Variants in FXYD6 observed in about 807,000 individuals in gnomAD.
FXYD6 encodes the protein FXYD domain containing ion transport regulator 6.
A neutral mutation model predicts 16.7 loss-of-function variants in FXYD6; 7 were observed. The observed-to-expected ratio is 0.42, with a 90% confidence interval of 0.24 to 0.79. The LOEUF is 0.79. Ranked by LOEUF, FXYD6 falls within the 30% of genes least tolerant of loss-of-function variation. The probability of loss-of-function intolerance (pLI) is 0.28; values close to 1 mark genes in which losing one functional copy is unlikely to be tolerated. For missense variants in FXYD6, 111 were observed against 116.2 expected (o/e 0.95, Z 0.21); for synonymous variants, 49 against 43.0 (o/e 1.14, Z -0.54).
chr11:117,859,286 C>T (rs544142269), intron 1 of FXYD6, among the ~76,000 whole-genome samples: 6 of 152,196 alleles, frequency 3.9e-5, no homozygotes, highest in Non-Finnish European at 8.8e-5. Context: ...GAGGGAGGTC[C>T]GGGGTTGGAG....
intron 6 of FXYD6, 34 bp from the exon 7 acceptor site, chr11:117,839,864 A>G: frequency 6.2e-7 from 1 of 1,614,114 alleles, no homozygotes; most frequent in Non-Finnish European, 8.5e-7. Flanking sequence ...TATAGTGTAT[A>G]GACTCCTCAC....
At chr11:117,855,494 C>T (rs2056704018) in intron 1 of FXYD6, among the ~76,000 whole-genome samples, 2 of 152,212 alleles carry the variant, frequency 1.3e-5, no homozygotes, top group South Asian at 2.1e-4. Context: ...CTTGGCTTCC[C>T]TTCCATCTCA....
intron 1 of FXYD6, among the ~76,000 whole-genome samples, chr11:117,868,560 C>T (rs144327493): frequency 1.9e-3 from 285 of 152,150 alleles, no homozygotes; most frequent in African/African-American, 4.7e-3. Context: ...AAAAGAGGCA[C>T]GACTCAATGG....
At chr11:117,845,694 A>G (rs537401823) in intron 1 of FXYD6, among the ~76,000 whole-genome samples, 246 of 152,302 alleles carry the variant, frequency 1.6e-3, no homozygotes, top group African/African-American at 5.6e-3. Context: ...TTTTGTGCAT[A>G]CTGCTCAGGG....
At chr11:117,874,547 TTC>T (rs1243047069) in intron 1 of FXYD6, among the ~76,000 whole-genome samples, 1 of 152,182 alleles carries the variant, frequency 6.6e-6, no homozygotes, top group East Asian at 1.9e-4. Flanking sequence ...CCTTCCCTCT[TTC>T]TGGTTTCCCT....
rs1222888641 is a variant in FXYD6, at chr11:117,837,597, TG to T, written c.*701del. 6 of 152,918 alleles carry T rather than the reference TG, an allele frequency of 3.9e-5. No individual in the cohort carries two copies. The highest frequency in any genetic ancestry group is 8.8e-5 in the Non-Finnish European group (6 of 68,564). The allele number at this position is 152,918 out of a possible 1,614,324, so 9.5% of individuals were successfully genotyped here. The stretch of plus-strand genomic sequence containing the variant: ...GATGGGGACTCCTCGTGGAAGCCCC[TG>T]GGAAGAAATTAACCACGGAAGGGCA... On this transcript the variant is annotated 3_prime_UTR_variant, in exon 8 of 8. Transcript: ENST00000526014. The surrounding 1 kb of genome is among the most constrained non-coding windows in gnomAD (Gnocchi z 4.4).
intron 1 of FXYD6, among the ~76,000 whole-genome samples, chr11:117,864,916 G>A (rs1387801533): frequency 1.3e-5 from 2 of 152,096 alleles, no homozygotes; most frequent in African/African-American, 4.8e-5. Context: ...ATGTAAAAAT[G>A]TGCATCAAAA....
intron 1 of FXYD6, among the ~76,000 whole-genome samples, chr11:117,874,393 C>G (rs1048517604): frequency 6.6e-6 from 1 of 152,176 alleles, no homozygotes; most frequent in African/African-American, 2.4e-5. Context: ...CCTTTGCACA[C>G]CCGCTTCCTC....
intron 1 of FXYD6, among the ~76,000 whole-genome samples, chr11:117,850,728 G>A (rs867601568): frequency 7.3e-5 from 11 of 151,566 alleles, no homozygotes; most frequent in African/African-American, 2.7e-4. Flanking sequence ...CCTGGGCTCA[G>A]GTGATCTGCC....
At chr11:117,863,093 A>G (rs1200453987) in intron 1 of FXYD6, among the ~76,000 whole-genome samples, 1 of 152,202 alleles carries the variant, frequency 6.6e-6, no homozygotes, top group African/African-American at 2.4e-5. Flanking sequence ...TATTTTACAG[A>G]TTAGAAAAGG....
rs907694026 is a variant in FXYD6 at position 117,837,097 on chromosome 11, G to C, written c.*1202C>G. 4.4e-4 allele frequency: 67 copies of C among 152,382 alleles called. No individual in the cohort carries two copies. The highest frequency in any genetic ancestry group is 8.3e-4 in the South Asian group (4 of 4,828). The allele number at this position is 152,382 out of a possible 1,614,324, so 9.4% of individuals were successfully genotyped here. On this transcript the variant is annotated 3_prime_UTR_variant, in exon 8 of 8. Coordinates refer to ENST00000526014, the MANE Select transcript of FXYD6 (RefSeq NM_022003.4). The surrounding 1 kb of genome is among the most constrained non-coding windows in gnomAD (Gnocchi z 4.4). ...TGGTTGGTTTCCGCGGGAACACAGAGGACAGGAGGGGCGGGATCTGGGTTG... is the reference window on the plus strand; with the variant it reads ...TGGTTGGTTTCCGCGGGAACACAGACGACAGGAGGGGCGGGATCTGGGTTG...
intron 2 of FXYD6, 184 bp from the exon 3 acceptor site, chr11:117,842,212 A>G (rs2056364090): frequency 3.7e-6 from 3 of 800,402 alleles, no homozygotes; most frequent in African/African-American, 1.7e-5. Context: ...GGGGAACCCT[A>G]AGGGCCGAGG....
At chr11:117,858,673 T>TTC (rs1487924012) in intron 1 of FXYD6, among the ~76,000 whole-genome samples, 3 of 86,654 alleles carry the variant, frequency 3.5e-5, no homozygotes, top group African/African-American at 1.6e-4. Flanking sequence ...CTTTCTTTCT[T>TTC]TCTTTCTTTC....
chr11:117,855,000 G>C (rs2134167613), intron 1 of FXYD6, among the ~76,000 whole-genome samples: 1 of 152,338 alleles, frequency 6.6e-6, no homozygotes, highest in African/African-American at 2.4e-5. Flanking sequence ...TGTCTGCTTA[G>C]CCTAGGAGGG....
intron 1 of FXYD6, among the ~76,000 whole-genome samples, chr11:117,875,542 G>A (rs1348313531): frequency 1.3e-5 from 2 of 152,140 alleles, no homozygotes; most frequent in African/African-American, 4.8e-5. Flanking sequence ...TGCGGACGTA[G>A]ACATACACAT....
intron 1 of FXYD6, among the ~76,000 whole-genome samples, chr11:117,859,825 T>A (rs1383836908): frequency 2.0e-5 from 3 of 152,180 alleles, no homozygotes; most frequent in Admixed American, 2.0e-4. Context: ...CTGTCTGTGA[T>A]AATTTTTAGT....
At chr11:117,876,845 C>T (rs1160935828), upstream of FXYD6, 1 of 152,372 alleles carries the variant, frequency 6.6e-6, no homozygotes, top group African/African-American at 2.4e-5. Flanking sequence ...CGCGCAGACC[C>T]CCTCTCCTCC....
intron 1 of FXYD6, chr11:117,843,770 C>T (rs2056412530): frequency 6.6e-6 from 1 of 152,250 alleles, no homozygotes; most frequent in South Asian, 2.1e-4. Context: ...AGCCTCAGCA[C>T]CCCAGCCTCT....
At chr11:117,840,393 C>T (rs1206509088) in intron 5 of FXYD6, 25 bp from the exon 6 acceptor site, 3 of 1,614,118 alleles carry the variant, frequency 1.9e-6, no homozygotes, top group African/African-American at 1.3e-5. Flanking sequence ...GACACACAGC[C>T]CCATCAGAGA....
Sources: allele counts gnomAD v4.1 joint callset (sites outside exome capture counted in the v4.1 genomes callset), GRCh38; gene constraint gnomAD v4.1.1; non-coding constraint Gnocchi (gnomAD v3.1); transcripts MANE v1.5; gene names NCBI Gene and HGNC (gene_info 2026-07-23, HGNC 2026-07-21).